FOXP1: variants seen among roughly 807,000 people sequenced by gnomAD.
FOXP1 encodes forkhead box P1.
FOXP1 carries 15 observed loss-of-function variants against 98.2 expected under a neutral mutation model. That is an observed-to-expected ratio of 0.15 (90% CI 0.10 to 0.24). The LOEUF (loss-of-function observed/expected upper bound fraction) is 0.24, where lower values mean the gene tolerates loss of function less well. Ranked by LOEUF, FOXP1 falls within the 10% of genes least tolerant of loss-of-function variation. The pLI is 1.00. For synonymous variants in FOXP1, 371 were observed against 314.5 expected (o/e 1.18, Z -1.90); for missense variants, 633 against 848.5 (o/e 0.75, Z 3.15).
At chr3:71,344,420 A>G (rs899375024) in intron 4 of FOXP1, among the ~76,000 whole-genome samples, 2 of 152,248 alleles carry the variant, frequency 1.3e-5, no homozygotes. Flanking sequence ...ATCAACAGAC[A>G]TAATTTGGAA....
intron 2 of FOXP1, among the ~76,000 whole-genome samples, chr3:71,547,801 T>C (rs1034153844): frequency 6.6e-6 from 1 of 152,232 alleles, no homozygotes; most frequent in Non-Finnish European, 1.5e-5. Flanking sequence ...CTGTGACTAT[T>C]CAATCCTTTG....
chr3:71,326,705 G>A (rs146652550), intron 4 of FOXP1, among the ~76,000 whole-genome samples: 27 of 152,294 alleles, frequency 1.8e-4, no homozygotes, highest in African/African-American at 6.5e-4. Context: ...CTGGTTGGAT[G>A]TATTAGGTGG....
chr3:71,100,074 A>G (rs995394771), intron 7 of FOXP1, among the ~76,000 whole-genome samples: 6 of 152,228 alleles, frequency 3.9e-5, no homozygotes, highest in East Asian at 3.9e-4. Context: ...AGCATAGACT[A>G]TGGTCAGATA....
intron 6 of FOXP1, 188 bp downstream of exon 6, chr3:71,198,014 G>A (rs1179686288): frequency 6.2e-7 from 1 of 1,614,108 alleles, no homozygotes. Flanking sequence ...CTTGAAATTA[G>A]TCTCTTAAGC....
At chr3:71,064,363 C>T (rs544032388) in intron 7 of FOXP1, among the ~76,000 whole-genome samples, 1 of 152,294 alleles carries the variant, frequency 6.6e-6, no homozygotes, top group South Asian at 2.1e-4. Context: ...AGAAATCACA[C>T]CCCAGATACG....
At chr3:71,356,203 C>G (rs1343061275) in intron 4 of FOXP1, among the ~76,000 whole-genome samples, 1 of 126,464 alleles carries the variant, frequency 7.9e-6, no homozygotes, top group Non-Finnish European at 1.6e-5. Flanking sequence ...GGACCATTGT[C>G]TGACTAAGTC....
chr3:71,582,372 G>T, intron 1 of FOXP1: 1 of 978,024 alleles, frequency 1.0e-6, no homozygotes. Context: ...CTCGGCTCCC[G>T]GCGCCGCCGC....
At chr3:71,058,105 AAC>A (rs149117841) in intron 7 of FOXP1, among the ~76,000 whole-genome samples, 4,255 of 152,280 alleles carry the variant, frequency 0.028, 133 homozygotes, top group East Asian at 0.083. Flanking sequence ...AACAAATAAA[AAC>A]ACTCAGAGAA....
intron 3 of FOXP1, among the ~76,000 whole-genome samples, chr3:71,395,106 A>G: frequency 6.6e-6 from 1 of 150,708 alleles, no homozygotes; most frequent in East Asian, 1.9e-4. Flanking sequence ...GTCACAAAAA[A>G]AAAAAAAAAA....
intron 6 of FOXP1, among the ~76,000 whole-genome samples, chr3:71,182,021 C>G (rs866579927): frequency 7.4e-6 from 1 of 134,582 alleles, no homozygotes; most frequent in Non-Finnish European, 1.5e-5. Flanking sequence ...GGTGACAGAG[C>G]GAGACTCCAT....
intron 17 of FOXP1, among the ~76,000 whole-genome samples, chr3:70,973,835 G>GCCACCCCCCCCCCCCCCCCC (rs2036891095): frequency 2.7e-5 from 1 of 36,692 alleles, no homozygotes; most frequent in African/African-American, 8.2e-5. Flanking sequence ...TTTGCACACC[G>GCCACCCCCCCCCCCCCCCCC]CCCCCCCCCC....
chr3:71,513,808 A>AT (rs763505758), intron 2 of FOXP1, among the ~76,000 whole-genome samples: 5 of 152,180 alleles, frequency 3.3e-5, no homozygotes, highest in African/African-American at 7.2e-5. Context: ...TGCTGCAACC[A>AT]TAAGACCGGG....
chr3:71,116,126 G>A (rs1220238226), intron 6 of FOXP1, among the ~76,000 whole-genome samples: 1 of 152,286 alleles, frequency 6.6e-6, no homozygotes, highest in African/African-American at 2.4e-5. Context: ...AATGCTTACT[G>A]AGCTGGCTCT....
chr3:71,109,986 C>T (rs1423086871), intron 7 of FOXP1, among the ~76,000 whole-genome samples: 2 of 152,100 alleles, frequency 1.3e-5, no homozygotes, highest in African/African-American at 4.8e-5. Context: ...TTACCAAAAC[C>T]AGCGTTCAAG....
At chr3:71,284,026 A>T (rs929207417) in intron 5 of FOXP1, among the ~76,000 whole-genome samples, 1 of 152,202 alleles carries the variant, frequency 6.6e-6, no homozygotes, top group Non-Finnish European at 1.5e-5. Context: ...AACTTCTGGG[A>T]CTTCATTTGT....
intron 4 of FOXP1, among the ~76,000 whole-genome samples, chr3:71,310,357 A>G (rs2074596639): frequency 6.6e-6 from 1 of 152,244 alleles, no homozygotes; most frequent in Admixed American, 6.5e-5. Context: ...AATACTTTTC[A>G]TGGAAATCTC....
chr3:71,322,365 C>A (rs1423287790), intron 4 of FOXP1, among the ~76,000 whole-genome samples: 1 of 152,186 alleles, frequency 6.6e-6, no homozygotes, highest in Admixed American at 6.6e-5. Flanking sequence ...CCACATGTGG[C>A]AATCAGCTAT....
intron 11 of FOXP1, among the ~76,000 whole-genome samples, chr3:71,030,002 C>T (rs978074937): frequency 4.6e-5 from 7 of 152,122 alleles, no homozygotes; most frequent in African/African-American, 1.4e-4. Context: ...TCATTTAATC[C>T]TCACAATTTG....
chr3:71,197,907 A>C, intron 6 of FOXP1: 1 of 1,614,214 alleles, frequency 6.2e-7, no homozygotes, highest in South Asian at 1.1e-5. Flanking sequence ...ATTTTATTCA[A>C]AATGGGGAAG....
Sources: allele counts gnomAD v4.1 joint callset (sites outside exome capture counted in the v4.1 genomes callset), GRCh38; gene constraint gnomAD v4.1.1; transcripts MANE v1.5; gene names NCBI Gene and HGNC (gene_info 2026-07-23, HGNC 2026-07-21).